Variants in QTMAN observed in about 807,000 individuals in gnomAD.
The protein encoded by QTMAN is tRNA-queuosine alpha-mannosyltransferase.
chr2:143,958,751 G>T, the QTMAN span, among the ~76,000 whole-genome samples: 1 of 149,754 alleles, frequency 6.7e-6, no homozygotes, highest in African/African-American at 2.4e-5. Context: ...TTTATAGAGA[G>T]AGAGTTTGGG....
At chr2:144,015,343 A>C in the QTMAN span, among the ~76,000 whole-genome samples, 37 of 152,140 alleles carry the variant, frequency 2.4e-4, no homozygotes, top group African/African-American at 8.9e-4. Context: ...GAAAACAGGA[A>C]ATCTTTATTT....
At chr2:144,215,964 T>G in the QTMAN span, among the ~76,000 whole-genome samples, 1 of 152,164 alleles carries the variant, frequency 6.6e-6, no homozygotes, top group East Asian at 1.9e-4. Context: ...GCCCAACACA[T>G]GGCAATTAAG....
At chr2:144,170,169 T>C in the QTMAN span, among the ~76,000 whole-genome samples, 1 of 152,236 alleles carries the variant, frequency 6.6e-6, no homozygotes, top group Non-Finnish European at 1.5e-5. Context: ...AACTAGTCCC[T>C]TATTATTGGC....
At chr2:144,134,119 T>C in the QTMAN span, among the ~76,000 whole-genome samples, 2 of 152,158 alleles carry the variant, frequency 1.3e-5, no homozygotes, top group Non-Finnish European at 2.9e-5. Flanking sequence ...CCTTCTGTCC[T>C]ATCAATCCAC....
chr2:144,048,819 TACACAC>T, the QTMAN span, among the ~76,000 whole-genome samples: 23,615 of 148,266 alleles, frequency 0.16, 3,414 homozygotes, highest in African/African-American at 0.38. Flanking sequence ...CACACATGCA[TACACAC>T]ACACACACAC....
the QTMAN span, among the ~76,000 whole-genome samples, chr2:143,952,576 TTTG>T: frequency 2.6e-5 from 4 of 151,676 alleles, no homozygotes; most frequent in East Asian, 7.7e-4. Flanking sequence ...AACTTGCTTT[TTTG>T]TTATCTTAAA....
the QTMAN span, among the ~76,000 whole-genome samples, chr2:144,307,161 AAAAAAAAAAAAAAAAAAAAAAACAATT>A: frequency 1.2e-5 from 1 of 86,924 alleles, no homozygotes; most frequent in East Asian, 5.1e-4. Flanking sequence ...CTCCGTCTTA[AAAAAAAAAAAAAAAAAAAAAAACAATT>A]AAAAAAAAAA....
the QTMAN span, among the ~76,000 whole-genome samples, chr2:144,213,542 G>A: frequency 6.6e-6 from 1 of 152,008 alleles, no homozygotes; most frequent in Non-Finnish European, 1.5e-5. Flanking sequence ...TTAAATCAGA[G>A]GAATTGTTGT....
the QTMAN span, among the ~76,000 whole-genome samples, chr2:144,195,224 A>C: frequency 3.4e-4 from 51 of 152,208 alleles, 2 homozygotes; most frequent in South Asian, 0.01. Context: ...TTGATAATGC[A>C]AATTCCTTCG....
chr2:143,957,861 A>G, the QTMAN span, among the ~76,000 whole-genome samples: 1 of 152,238 alleles, frequency 6.6e-6, no homozygotes, highest in East Asian at 1.9e-4. Flanking sequence ...AAAAAAGCAA[A>G]GTGTTCTGAA....
At chr2:144,191,177 T>C in the QTMAN span, among the ~76,000 whole-genome samples, 1 of 152,234 alleles carries the variant, frequency 6.6e-6, no homozygotes, top group East Asian at 1.9e-4. Context: ...CTTTAAATTC[T>C]ACCTAATGTG....
At chr2:144,234,527 A>C in the QTMAN span, among the ~76,000 whole-genome samples, 1 of 152,196 alleles carries the variant, frequency 6.6e-6, no homozygotes, top group Non-Finnish European at 1.5e-5. Context: ...ATCTAGAAGC[A>C]GTATGCTTCT....
At chr2:143,974,709 G>GT in the QTMAN span, among the ~76,000 whole-genome samples, 2,790 of 148,284 alleles carry the variant, frequency 0.019, 26 homozygotes, top group Middle Eastern at 0.062. Flanking sequence ...CTTTCTTTTT[G>GT]TTTTTTTTTG....
At chr2:144,086,202 T>C in the QTMAN span, among the ~76,000 whole-genome samples, 1 of 152,160 alleles carries the variant, frequency 6.6e-6, no homozygotes, top group Non-Finnish European at 1.5e-5. Context: ...TGGCTAACAT[T>C]TTGCTCTTAG....
the QTMAN span, among the ~76,000 whole-genome samples, chr2:144,274,350 T>C: frequency 1.3e-5 from 2 of 152,220 alleles, no homozygotes; most frequent in African/African-American, 4.8e-5. Flanking sequence ...TCCTGTGTGA[T>C]AGGAGCATCT....
the QTMAN span, among the ~76,000 whole-genome samples, chr2:144,278,589 C>T: frequency 6.6e-6 from 1 of 150,850 alleles, no homozygotes; most frequent in Admixed American, 6.6e-5. Flanking sequence ...GAGAAACTTG[C>T]CCAAGATGCA....
the QTMAN span, among the ~76,000 whole-genome samples, chr2:144,145,332 T>C: frequency 1.3e-5 from 2 of 151,890 alleles, no homozygotes; most frequent in Non-Finnish European, 2.9e-5. Flanking sequence ...ATTTTGAATG[T>C]TGTGAAAAAT....
chr2:144,268,701 G>A, the QTMAN span, among the ~76,000 whole-genome samples: 3 of 152,182 alleles, frequency 2.0e-5, no homozygotes, highest in Non-Finnish European at 4.4e-5. Flanking sequence ...TATCCTTTGT[G>A]TGAATAAATT....
chr2:144,013,247 G>A, the QTMAN span, among the ~76,000 whole-genome samples: 2 of 152,018 alleles, frequency 1.3e-5, no homozygotes, highest in Non-Finnish European at 2.9e-5. Context: ...TATGTGATGG[G>A]GATGTGATAA....
Sources: allele counts gnomAD v4.1 joint callset (sites outside exome capture counted in the v4.1 genomes callset), GRCh38; gene constraint gnomAD v4.1.1; transcripts MANE v1.5; gene names NCBI Gene and HGNC (gene_info 2026-07-23, HGNC 2026-07-21).